The following CAB39 variants were observed in gnomAD, a reference collection of about 807,000 sequenced individuals.
CAB39 encodes the protein calcium binding protein 39, also known as calcium-binding protein 39.
In CAB39, 8 loss-of-function variants were observed where a neutral mutation model predicts 40.0. That is an observed-to-expected ratio of 0.20 (90% confidence interval 0.12 to 0.36). CAB39 has a LOEUF of 0.36. CAB39 is among the 10% of genes least tolerant of loss of function. The probability of loss-of-function intolerance (pLI) is 1.00; values close to 1 mark genes in which losing one functional copy is unlikely to be tolerated. For missense variants in CAB39, 270 were observed against 401.1 expected (o/e 0.67, Z 2.79); for synonymous variants, 156 against 141.6 (o/e 1.10, Z -0.72).
intron 2 of CAB39, among the ~76,000 whole-genome samples, chr2:230,766,832 G>T (rs551471491): frequency 1.7e-3 from 253 of 152,274 alleles, no homozygotes; most frequent in African/African-American, 5.7e-3. Flanking sequence ...TGGCCTGGGG[G>T]TTACATTTCA....
intron 5 of CAB39, among the ~76,000 whole-genome samples, chr2:230,807,307 A>T (rs1365429567): frequency 6.6e-6 from 1 of 151,954 alleles, no homozygotes; most frequent in Non-Finnish European, 1.5e-5. Flanking sequence ...CAGTAGATAG[A>T]GGCTCTGCTG....
rs1375967276 is a variant in CAB39 at position 230,819,861 on chromosome 2, G to C, written c.*1157G>C. 6.6e-6 allele frequency: 1 copy of C among 152,576 alleles called. No individual in the cohort carries two copies. The highest frequency in any genetic ancestry group is 2.4e-5 in the African/African-American group (1 of 41,448). The allele number at this position is 152,576 out of a possible 1,614,324, so 9.5% of individuals were successfully genotyped here. A position where few individuals can be genotyped will look rare whatever the true frequency, so the allele number is the denominator to read the frequency against. The stretch of plus-strand genomic sequence containing the variant: ...CTAAATTAATGCTGATTCTTTGTGT[G>C]TGTGGGAAATCTCTGTAGAGCACCT... On this transcript the variant is annotated 3_prime_UTR_variant, in exon 9 of 9. Coordinates refer to ENST00000258418, the MANE Select transcript of CAB39 (RefSeq NM_016289.4).
chr2:230,714,308 A>G (rs1490071032), intron 1 of CAB39, among the ~76,000 whole-genome samples: 1 of 152,156 alleles, frequency 6.6e-6, no homozygotes, highest in Non-Finnish European at 1.5e-5. Flanking sequence ...AGGAGAGAGG[A>G]GGAGGCCCAG....
At chr2:230,766,716 A>G (rs1695392421) in intron 2 of CAB39, among the ~76,000 whole-genome samples, 1 of 152,134 alleles carries the variant, frequency 6.6e-6, no homozygotes, top group African/African-American at 2.4e-5. Context: ...TTTTGTAGAG[A>G]CCGAGTCTCA....
At chr2:230,803,675 C>A (rs1048104808) in intron 5 of CAB39, among the ~76,000 whole-genome samples, 1 of 152,088 alleles carries the variant, frequency 6.6e-6, no homozygotes, top group Non-Finnish European at 1.5e-5. Flanking sequence ...GAATAAAATA[C>A]CTAGGAGTGC....
At chr2:230,792,566 G>A (rs1433988614) in intron 3 of CAB39, among the ~76,000 whole-genome samples, 1 of 152,164 alleles carries the variant, frequency 6.6e-6, no homozygotes. Context: ...CTTTCCGATT[G>A]TAAGATTCAC....
At chr2:230,726,216 G>A (rs923878309) in intron 1 of CAB39, among the ~76,000 whole-genome samples, 10 of 151,968 alleles carry the variant, frequency 6.6e-5, no homozygotes, top group African/African-American at 2.4e-4. Context: ...AGGCTGGAGT[G>A]CAGTGGCATG....
intron 1 of CAB39, among the ~76,000 whole-genome samples, chr2:230,721,247 G>A (rs1295004053): frequency 2.0e-5 from 3 of 152,208 alleles, no homozygotes; most frequent in African/African-American, 4.8e-5. Context: ...CCTGGCCAAC[G>A]TGGCGAAACC....
Position 230,780,702 on chromosome 2 carries a change from A to G in CAB39, c.115-10170A>G, listed in dbSNP as rs118040880. 6.4e-4 allele frequency among the ~76,000 whole-genome samples: 98 copies of G among 152,346 alleles called. No individual in the cohort carries two copies. In the East Asian group the frequency reaches 0.015, roughly 24 times the overall value. ...ATCAGTTCAGGAGGCAGTGATGTCA[A>G]TAGTCTCATTACTGATGATGGTCAG... is the stretch of plus-strand genomic sequence containing the variant. On this transcript the variant is annotated intron_variant, in intron 2 of 8. Coordinates refer to ENST00000258418, the MANE Select transcript of CAB39 (RefSeq NM_016289.4).
rs557760444 is a variant in CAB39, at chr2:230,725,259, A to G, written c.-44+12029A>G. ...TCTTCATCTTTCTTTAGCACCAGAA[A>G]CTGGCCAAGGACAACGTAGGCCTTG... is the stretch of plus-strand genomic sequence containing the variant. On this transcript the variant is annotated intron_variant, in intron 1 of 8. Transcript: ENST00000258418. The G allele has an allele frequency of 1.8e-5, 28 of 1,585,344 alleles. No individual in the cohort carries two copies. In the African/African-American group the frequency reaches 3.4e-4, roughly 19 times the overall value.
At chr2:230,720,082 A>C (rs1694420139) in intron 1 of CAB39, among the ~76,000 whole-genome samples, 1 of 152,226 alleles carries the variant, frequency 6.6e-6, no homozygotes, top group Admixed American at 6.5e-5. Flanking sequence ...CAAGCTTAGT[A>C]AGTCAGTCTA....
At chr2:230,793,386 C>A in intron 4 of CAB39, 55 bp downstream of exon 4, 1 of 853,980 alleles carries the variant, frequency 1.2e-6, no homozygotes, top group Non-Finnish European at 1.8e-6. Flanking sequence ...GGAAGGATTG[C>A]CTTGGGAAAA....
rs1696460320 is a variant in CAB39, at chr2:230,819,175, CAG to C, written c.*474_*475del. The C allele has an allele frequency of 6.6e-6, 1 of 152,604 alleles. No homozygotes were observed. The highest frequency in any genetic ancestry group is 2.4e-5 in the African/African-American group (1 of 41,446). 9.5% of individuals were successfully genotyped at this position (152,604 alleles called of 1,614,324 possible). A position where few individuals can be genotyped will look rare whatever the true frequency, so the allele number is the denominator to read the frequency against. ...GATGACGCAGAGCTTTATCTGAAAT[CAG>C]AGGGGAGCTATCCAAAATGGGAGTT... On this transcript the variant is annotated 3_prime_UTR_variant, in exon 9 of 9. Coordinates refer to ENST00000258418, the MANE Select transcript of CAB39 (RefSeq NM_016289.4).
At chr2:230,786,208 T>C (rs1695791227) in intron 2 of CAB39, among the ~76,000 whole-genome samples, 1 of 150,376 alleles carries the variant, frequency 6.6e-6, no homozygotes, top group Non-Finnish European at 1.5e-5. Context: ...TCTCACCATG[T>C]TGCCCAGGCT....
Position 230,777,143 on chromosome 2 carries a change from GA to G in CAB39, c.115-13728del, listed in dbSNP as rs1333227746. ...TATCTATACAAAGTCATGTTCTAAT[GA>G]TGTATATGATGTATGTTCATTCCCC... On this transcript the variant is annotated intron_variant, in intron 2 of 8. Coordinates refer to ENST00000258418, the MANE Select transcript of CAB39 (RefSeq NM_016289.4). Among the ~76,000 whole-genome samples the G allele has an allele frequency of 9.5e-3, 678 of 71,362 alleles. 6 individuals carry two copies. In the African/African-American group the frequency reaches 0.13, roughly 14 times the overall value. The allele number at this position is 71,362 out of a possible 152,430, so 46.8% of individuals were successfully genotyped here.
chr2:230,781,168 G>A (rs1456953654), intron 2 of CAB39, among the ~76,000 whole-genome samples: 1 of 152,124 alleles, frequency 6.6e-6, no homozygotes, highest in Admixed American at 6.6e-5. Context: ...GTTTGAGATA[G>A]GATGCAGAAA....
intron 1 of CAB39, among the ~76,000 whole-genome samples, chr2:230,744,767 C>T (rs1694944350): frequency 6.6e-6 from 1 of 152,196 alleles, no homozygotes; most frequent in Non-Finnish European, 1.5e-5. Flanking sequence ...GAAATCACCA[C>T]AGTAAAATTT....
chr2:230,773,308 A>ATG (rs1361313789), intron 2 of CAB39, among the ~76,000 whole-genome samples: 24 of 88,310 alleles, frequency 2.7e-4, no homozygotes, highest in African/African-American at 1.4e-3. Flanking sequence ...GTATATATAT[A>ATG]TATATATGTG....
intron 1 of CAB39, among the ~76,000 whole-genome samples, chr2:230,717,163 T>G (rs1376553420): frequency 6.6e-6 from 1 of 151,416 alleles, no homozygotes; most frequent in Admixed American, 6.6e-5. Context: ...CTGGTAAACA[T>G]TTTTTTTTAC....
Sources: gnomAD v4.1 joint callset for allele counts (sites outside exome capture counted in the v4.1 genomes callset) on GRCh38, gnomAD v4.1.1 for gene constraint, MANE v1.5 for transcripts, NCBI Gene and HGNC (gene_info 2026-07-23, HGNC 2026-07-21) for gene names.